Variants in TENT2 observed in about 807,000 individuals in gnomAD.
TENT2 encodes the protein terminal nucleotidyltransferase 2.
A neutral mutation model predicts 72.2 loss-of-function variants in TENT2; 44 were observed. The ratio of observed to expected loss-of-function variants is 0.61; its 90% CI spans 0.48 to 0.78. TENT2 has a LOEUF of 0.78. TENT2 is among the 30% of genes least tolerant of loss of function. The pLI is 0.00. For synonymous variants in TENT2, 212 were observed against 192.5 expected (o/e 1.10, Z -0.84); for missense variants, 541 against 569.6 (o/e 0.95, Z 0.51).
intron 1 of TENT2, chr5:79,615,095 T>G (rs1435692586): frequency 6.6e-6 from 1 of 152,204 alleles, no homozygotes; most frequent in Non-Finnish European, 1.5e-5. Flanking sequence ...GCTTGATATA[T>G]TTCTGGGAAT....
chr5:79,613,928 A>T (rs1187061106), intron 1 of TENT2: 1 of 152,130 alleles, frequency 6.6e-6, no homozygotes, highest in East Asian at 1.9e-4. Context: ...TCTGGTTTTC[A>T]TTCTAGGTAT....
In TENT2 at chr5:79,670,347, C is replaced by T. The variant is rs545366205; in HGVS notation, c.1208+1319C>T. Among the ~76,000 whole-genome samples the T allele has an allele frequency of 1.1e-3, 171 of 151,616 alleles. 1 individual carries two copies. The highest frequency in any genetic ancestry group is 3.9e-3 in the African/African-American group (163 of 41,306). ...TATTTATTTATTTATTTTTTTGAGACGGAGTCTCACTGTGTTGCCCAGGCT... is the reference window on the plus strand; with the variant it reads ...TATTTATTTATTTATTTTTTTGAGATGGAGTCTCACTGTGTTGCCCAGGCT... On this transcript the variant is annotated intron_variant, in intron 12 of 14. Coordinates refer to ENST00000453514, the MANE Select transcript of TENT2 (RefSeq NM_001114394.3).
chr5:79,664,852 T>C (rs1484163887), intron 11 of TENT2, among the ~76,000 whole-genome samples: 1 of 152,192 alleles, frequency 6.6e-6, no homozygotes, highest in Non-Finnish European at 1.5e-5. Flanking sequence ...GTATTATAAA[T>C]GATGAAGCTG....
chr5:79,681,334 A>G (rs564220927), intron 13 of TENT2, among the ~76,000 whole-genome samples: 1 of 150,112 alleles, frequency 6.7e-6, no homozygotes, highest in Non-Finnish European at 1.5e-5. Context: ...TAATTTTTGT[A>G]TTTTTAGTAG....
chr5:79,630,809 C>T (rs1268421258), intron 4 of TENT2, among the ~76,000 whole-genome samples: 1 of 138,520 alleles, frequency 7.2e-6, no homozygotes, highest in Non-Finnish European at 1.5e-5. Flanking sequence ...CAGCAGTAAC[C>T]TATTCAGGTT....
intron 4 of TENT2, among the ~76,000 whole-genome samples, chr5:79,636,659 T>A (rs1023863097): frequency 1.3e-5 from 2 of 152,206 alleles, no homozygotes; most frequent in Admixed American, 1.3e-4. Context: ...TTGATTTTGA[T>A]TGCATTGAAT....
chr5:79,634,852 GA>G (rs1778816020), intron 4 of TENT2, among the ~76,000 whole-genome samples: 1 of 151,240 alleles, frequency 6.6e-6, no homozygotes, highest in Non-Finnish European at 1.5e-5. Flanking sequence ...TTGTTGGAGG[GA>G]TTTTTTTTTT....
In TENT2 at chr5:79,685,560, A is replaced by G; in HGVS notation, c.*287A>G. The G allele has an allele frequency of 4.4e-6, 1 of 229,410 alleles. No individual in the cohort carries two copies. Among genetic ancestry groups the G allele is most frequent in the Non-Finnish European group, 8.4e-6 (1 of 119,090 alleles). 14.2% of individuals were successfully genotyped at this position (229,410 alleles called of 1,614,324 possible). On this transcript the variant is annotated 3_prime_UTR_variant, in exon 15 of 15. Transcript: ENST00000453514. ...TTTTGGGAAATTAACTGAACAAATAAAAAGTTTTTGATATAACTTCAATTA... is the reference window on the plus strand; with the variant it reads ...TTTTGGGAAATTAACTGAACAAATAGAAAGTTTTTGATATAACTTCAATTA...
intron 12 of TENT2, among the ~76,000 whole-genome samples, chr5:79,669,632 A>G (rs1580606898): frequency 6.6e-6 from 1 of 152,062 alleles, no homozygotes; most frequent in East Asian, 1.9e-4. Context: ...CAATCTGGAA[A>G]AGCTTGAGGG....
At chr5:79,647,095 T>G (rs1789688589) in intron 8 of TENT2, among the ~76,000 whole-genome samples, 2 of 152,064 alleles carry the variant, frequency 1.3e-5, no homozygotes, top group African/African-American at 4.8e-5. Flanking sequence ...CAGAACCATA[T>G]CTCATGAATA....
chr5:79,658,944 G>A (rs1799939703), intron 11 of TENT2, among the ~76,000 whole-genome samples: 1 of 152,030 alleles, frequency 6.6e-6, no homozygotes, highest in East Asian at 1.9e-4. Flanking sequence ...TTGCTTGTAA[G>A]CTTATTTCTA....
intron 14 of TENT2, among the ~76,000 whole-genome samples, chr5:79,683,451 A>C (rs1823803328): frequency 6.6e-6 from 1 of 152,134 alleles, no homozygotes; most frequent in Non-Finnish European, 1.5e-5. Flanking sequence ...TTGAGGGTGC[A>C]GTGAGCTGTG....
chr5:79,623,933 C>A (rs1230490845), intron 4 of TENT2, among the ~76,000 whole-genome samples: 2 of 151,936 alleles, frequency 1.3e-5, no homozygotes, highest in Non-Finnish European at 2.9e-5. Flanking sequence ...GTGATATAAT[C>A]AAGAAAGATT....
intron 7 of TENT2, chr5:79,644,743 G>A (rs769128346): frequency 4.9e-4 from 78 of 158,450 alleles, no homozygotes; most frequent in Non-Finnish European, 5.3e-4. Context: ...ATGTTGCAAA[G>A]CATTTCCACA....
chr5:79,667,193 TAAG>T lies in TENT2; in HGVS notation c.1072-1696_1072-1694del, dbSNP rs1371537214. On this transcript the variant is annotated intron_variant, in intron 11 of 14. Coordinates refer to ENST00000453514, the MANE Select transcript of TENT2 (RefSeq NM_001114394.3). The stretch of plus-strand genomic sequence containing the variant: ...AGTACAATCATTTTTAGACTTCAGA[TAAG>T]AAAGTGACTTCTGTTTTAGCATATT... 2.6e-5 allele frequency among the ~76,000 whole-genome samples: 4 copies of T among 152,184 alleles called. No homozygotes were observed. The South Asian group carries it at 6.2e-4, about 24-fold the overall frequency.
chr5:79,618,533 C>A (rs1280332080), intron 1 of TENT2, among the ~76,000 whole-genome samples: 1 of 152,058 alleles, frequency 6.6e-6, no homozygotes, highest in Non-Finnish European at 1.5e-5. Flanking sequence ...CACATCCGGC[C>A]CCTTTCTTTT....
chr5:79,663,718 AT>A (rs1804897497), intron 11 of TENT2, among the ~76,000 whole-genome samples: 1 of 152,206 alleles, frequency 6.6e-6, no homozygotes, highest in African/African-American at 2.4e-5. Flanking sequence ...TACAATAATA[AT>A]GAAAAAGTTT....
At chr5:79,642,376 A>G (rs1008906816) in intron 6 of TENT2, among the ~76,000 whole-genome samples, 1 of 152,066 alleles carries the variant, frequency 6.6e-6, no homozygotes, top group African/African-American at 2.4e-5. Flanking sequence ...GATTATACTC[A>G]AGCACATCCC....
At chr5:79,670,213 C>CT (rs1219699370) in intron 12 of TENT2, among the ~76,000 whole-genome samples, 3 of 147,124 alleles carry the variant, frequency 2.0e-5, no homozygotes, top group East Asian at 2.0e-4. Context: ...GAGCGAAACT[C>CT]TATCTCAAAA....
Sources: gnomAD v4.1 joint callset for allele counts (sites outside exome capture counted in the v4.1 genomes callset) on GRCh38, gnomAD v4.1.1 for gene constraint, MANE v1.5 for transcripts, NCBI Gene and HGNC (gene_info 2026-07-23, HGNC 2026-07-21) for gene names.